FAM24B: variants seen among roughly 807,000 people sequenced by gnomAD.
FAM24B encodes the protein family with sequence similarity 24 member B, also known as protein FAM24B.
In FAM24B, 3 loss-of-function variants were observed where a neutral mutation model predicts 2.3. The observed-to-expected ratio is 1.29, with a 90% CI of 0.59 to 3.32. FAM24B has a LOEUF of 3.32. Among genes scored for constraint, FAM24B ranks in the 30% most tolerant of loss-of-function variants. The pLI, the probability that FAM24B is intolerant of heterozygous loss-of-function variation, is 0.03. For missense variants in FAM24B, 98 were observed against 117.2 expected (o/e 0.84, Z 0.76); for synonymous variants, 36 against 46.3 (o/e 0.78, Z 0.90).
intron 2 of FAM24B, 141 bp downstream of exon 2, chr10:122,855,504 G>A (rs760114719): frequency 3.3e-5 from 5 of 152,172 alleles, no homozygotes; most frequent in Admixed American, 6.5e-5. Context: ...ACTGGGCTCT[G>A]GGATTTGCCC....
At chr10:122,878,989 A>G (rs1417007975) in intron 1 of FAM24B, among the ~76,000 whole-genome samples, 1 of 152,184 alleles carries the variant, frequency 6.6e-6, no homozygotes, top group African/African-American at 2.4e-5. Flanking sequence ...GGCTGGGCAT[A>G]AAGAACAGGA....
chr10:122,876,576 C>A (rs1207832718), intron 1 of FAM24B, among the ~76,000 whole-genome samples: 3 of 152,220 alleles, frequency 2.0e-5, no homozygotes, highest in Non-Finnish European at 4.4e-5. Flanking sequence ...AACTCACACT[C>A]AGCATCCAGC....
At chr10:122,879,425 G>GA (rs1298322823) in intron 1 of FAM24B, 60 bp downstream of exon 1, 6 of 152,310 alleles carry the variant, frequency 3.9e-5, no homozygotes, top group African/African-American at 1.4e-4. Flanking sequence ...GTCCACTCGG[G>GA]AAAGAACGAG....
At chr10:122,858,192 G>T (rs1474858905) in intron 1 of FAM24B, among the ~76,000 whole-genome samples, 1 of 152,116 alleles carries the variant, frequency 6.6e-6, no homozygotes, top group Non-Finnish European at 1.5e-5. Context: ...AGAAAATGTG[G>T]CACATATACA....
chr10:122,875,078 T>C (rs1281671229), intron 1 of FAM24B, among the ~76,000 whole-genome samples: 1 of 152,228 alleles, frequency 6.6e-6, no homozygotes, highest in Non-Finnish European at 1.5e-5. Flanking sequence ...ATTACCATTA[T>C]ACATGTTATT....
intron 2 of FAM24B, among the ~76,000 whole-genome samples, chr10:122,855,035 A>G (rs571191736): frequency 6.6e-6 from 1 of 152,124 alleles, no homozygotes; most frequent in South Asian, 2.1e-4. Flanking sequence ...GCTCCCGGGA[A>G]ACTTATCTTT....
intron 2 of FAM24B, among the ~76,000 whole-genome samples, chr10:122,853,638 C>T (rs905974016): frequency 6.6e-6 from 1 of 152,092 alleles, no homozygotes; most frequent in Non-Finnish European, 1.5e-5. Flanking sequence ...CCTGTAATCC[C>T]AGCACTTTGG....
At chr10:122,853,647 G>A (rs1430838680) in intron 2 of FAM24B, among the ~76,000 whole-genome samples, 1 of 152,150 alleles carries the variant, frequency 6.6e-6, no homozygotes, top group East Asian at 1.9e-4. Context: ...CCAGCACTTT[G>A]GAAGGGTAGG....
At chr10:122,863,498 A>G (rs1419729562) in intron 1 of FAM24B, among the ~76,000 whole-genome samples, 1 of 152,230 alleles carries the variant, frequency 6.6e-6, no homozygotes, top group African/African-American at 2.4e-5. Flanking sequence ...GTGCATTCAA[A>G]TCAGCTACAG....
At chr10:122,874,967 C>A (rs921468250) in intron 1 of FAM24B, among the ~76,000 whole-genome samples, 1 of 152,160 alleles carries the variant, frequency 6.6e-6, no homozygotes, top group African/African-American at 2.4e-5. Flanking sequence ...CTCCAAGCTT[C>A]CTGCTCTAAG....
At chr10:122,872,240 C>T (rs1473391857) in intron 1 of FAM24B, among the ~76,000 whole-genome samples, 2 of 152,146 alleles carry the variant, frequency 1.3e-5, no homozygotes, top group Non-Finnish European at 2.9e-5. Flanking sequence ...AATGAGATAC[C>T]ACCTCATACC....
intron 1 of FAM24B, among the ~76,000 whole-genome samples, chr10:122,871,132 T>C (rs1391296663): frequency 2.0e-5 from 3 of 152,004 alleles, no homozygotes; most frequent in Admixed American, 6.5e-5. Context: ...AGCATTCTTA[T>C]ACACCAACAA....
intron 2 of FAM24B, among the ~76,000 whole-genome samples, chr10:122,851,469 G>A (rs1386960895): frequency 9.2e-5 from 14 of 152,166 alleles, no homozygotes; most frequent in Non-Finnish European, 1.8e-4. Flanking sequence ...CAGGACACAC[G>A]CTGTGTGACA....
intron 1 of FAM24B, among the ~76,000 whole-genome samples, chr10:122,870,084 T>A (rs1322121986): frequency 2.0e-5 from 3 of 151,924 alleles, no homozygotes; most frequent in African/African-American, 7.3e-5. Context: ...ATAGACCCAA[T>A]AAAAAATGAC....
chr10:122,857,368 G>T (rs1046441331), intron 1 of FAM24B, among the ~76,000 whole-genome samples: 3 of 152,136 alleles, frequency 2.0e-5, no homozygotes, highest in Non-Finnish European at 4.4e-5. Flanking sequence ...CTACCATGAG[G>T]TTACTATGTT....
chr10:122,862,899 C>T (rs973702264), intron 1 of FAM24B, among the ~76,000 whole-genome samples: 3 of 151,850 alleles, frequency 2.0e-5, no homozygotes, highest in Non-Finnish European at 4.4e-5. Flanking sequence ...GGTATATTCC[C>T]ACTCACTGTG....
intron 1 of FAM24B, among the ~76,000 whole-genome samples, chr10:122,876,223 C>T (rs538768310): frequency 5.3e-5 from 8 of 152,160 alleles, no homozygotes; most frequent in Non-Finnish European, 8.8e-5. Flanking sequence ...GACCCTTGGT[C>T]GAATTCTTTC....
chr10:122,860,961 A>AT (rs1380771328), intron 1 of FAM24B, among the ~76,000 whole-genome samples: 4 of 152,056 alleles, frequency 2.6e-5, no homozygotes, highest in African/African-American at 9.7e-5. Flanking sequence ...TGATTTGCAA[A>AT]TATTTTCTCC....
intron 2 of FAM24B, among the ~76,000 whole-genome samples, chr10:122,851,359 T>C (rs1847531630): frequency 6.6e-6 from 1 of 152,244 alleles, no homozygotes. Context: ...AAAATTCTAA[T>C]GATTAACATC....
Sources: gnomAD v4.1 joint callset for allele counts (sites outside exome capture counted in the v4.1 genomes callset) on GRCh38, gnomAD v4.1.1 for gene constraint, MANE v1.5 for transcripts, NCBI Gene and HGNC (gene_info 2026-07-23, HGNC 2026-07-21) for gene names.